The following HSPA14 variants were observed in gnomAD, a reference collection of about 807,000 sequenced individuals.
HSPA14 encodes heat shock 70 kDa protein 14.
In HSPA14, 37 loss-of-function variants were observed where a neutral mutation model predicts 65.5. The ratio of observed to expected loss-of-function variants is 0.56; its 90% CI spans 0.43 to 0.74. HSPA14 has a LOEUF of 0.74. Ranked by LOEUF, HSPA14 falls within the 30% of genes least tolerant of loss-of-function variation. HSPA14 has a pLI of 0.00. For synonymous variants in HSPA14, 203 were observed against 214.2 expected, an observed-to-expected ratio of 0.95 and a Z score of 0.46; for missense variants, 564 against 607.6, an observed-to-expected ratio of 0.93 and a Z score of 0.75.
At position 14,858,099 on chromosome 10, in the gene HSPA14, T is replaced by C. The variant is rs114406410; in HGVS notation, c.993+2156T>C. ...TTCTAGACTGGGCAAAATGCTTCAT[T>C]TCCTGACACTTTCTCTTGTTATGAA... On this transcript the variant is annotated intron_variant, in intron 10 of 13. Coordinates refer to ENST00000378372, the MANE Select transcript of HSPA14 (RefSeq NM_016299.4). Among the ~76,000 whole-genome samples, 1,471 of 152,250 alleles carry C rather than the reference T, an allele frequency of 9.7e-3. 31 individuals carry two copies. Among genetic ancestry groups the C allele is most frequent in the African/African-American group, 0.034 (1,406 of 41,516 alleles).
rs1833947898 is a variant in HSPA14, at chr10:14,839,819, C to T, written c.58-86C>T. 3 of 916,322 alleles carry T rather than the reference C, an allele frequency of 3.3e-6. No individual in the cohort carries two copies. The Admixed American group carries it at 6.5e-5, about 20-fold the overall frequency. The allele number at this position is 916,322 out of a possible 1,614,324, so 56.8% of individuals were successfully genotyped here. A position where few individuals can be genotyped will look rare whatever the true frequency, so the allele number is the denominator to read the frequency against. On this transcript the variant is annotated intron_variant, in intron 1 of 13. Transcript: ENST00000378372. ...ATTGAGATAGCAGTTTTTCTTTCCA[C>T]ACAGATGGCAAAGTAACACTGGTGC...
chr10:14,848,992 C>A, intron 5 of HSPA14, 97 bp downstream of exon 5: 1 of 655,502 alleles, frequency 1.5e-6, no homozygotes. Flanking sequence ...TTGGGAGAAG[C>A]AGAGTGATTG....
At chr10:14,864,254 A>G (rs957840464) in intron 10 of HSPA14, among the ~76,000 whole-genome samples, 1 of 147,040 alleles carries the variant, frequency 6.8e-6, no homozygotes, top group African/African-American at 2.5e-5. Context: ...AAAAAAGTCA[A>G]TATTTTCCAA....
intron 10 of HSPA14, among the ~76,000 whole-genome samples, chr10:14,861,067 C>T (rs570161108): frequency 1.3e-5 from 2 of 152,188 alleles, no homozygotes; most frequent in Non-Finnish European, 1.5e-5. Flanking sequence ...GAGGATTGAC[C>T]CTTGGACTTG....
chr10:14,840,002 T>C lies in HSPA14; in HGVS notation c.138+17T>C. The C allele has an allele frequency of 6.3e-7, 1 of 1,583,946 alleles. No individual in the cohort carries two copies. Among genetic ancestry groups the C allele is most frequent in the East Asian group, 2.2e-5 (1 of 44,516 alleles). On this transcript the variant is annotated intron_variant, in intron 2 of 13. Coordinates refer to ENST00000378372, the MANE Select transcript of HSPA14 (RefSeq NM_016299.4). The stretch of plus-strand genomic sequence containing the variant: ...AATGAAGAGGTACTAGTCCCCCCAT[T>C]TTTGTACTTCTGAAATAATTTAAAA...
At chr10:14,860,379 ATAT>A (rs1322629410) in intron 10 of HSPA14, among the ~76,000 whole-genome samples, 7 of 152,324 alleles carry the variant, frequency 4.6e-5, no homozygotes, top group African/African-American at 1.7e-4. Flanking sequence ...TATAGTGAGG[ATAT>A]ACAGGTAATA....
chr10:14,840,006 G>A (rs1488052496), intron 2 of HSPA14, 21 bp downstream of exon 2: 1 of 1,570,796 alleles, frequency 6.4e-7, no homozygotes, highest in South Asian at 1.1e-5. Flanking sequence ...CCCCATTTTT[G>A]TACTTCTGAA....
intron 10 of HSPA14, among the ~76,000 whole-genome samples, chr10:14,856,378 TCACACGG>T (rs1002474276): frequency 2.0e-5 from 3 of 152,200 alleles, no homozygotes; most frequent in Admixed American, 6.5e-5. Flanking sequence ...TTCCTCAAGA[TCACACGG>T]TAAGTAGTAG....
chr10:14,859,356 A>G (rs1462342708), intron 10 of HSPA14, among the ~76,000 whole-genome samples: 1 of 152,132 alleles, frequency 6.6e-6, no homozygotes, highest in East Asian at 1.9e-4. Context: ...CTGGAATCCT[A>G]TGCATCAGAC....
intron 12 of HSPA14, among the ~76,000 whole-genome samples, chr10:14,868,523 A>T (rs1190993167): frequency 6.6e-6 from 1 of 152,154 alleles, no homozygotes; most frequent in Non-Finnish European, 1.5e-5. Context: ...ACACACACAC[A>T]CACGGACTGC....
At chr10:14,870,715 A>C (rs1214838287) in intron 13 of HSPA14, 48 bp downstream of exon 13, 2 of 1,448,874 alleles carry the variant, frequency 1.4e-6, no homozygotes, top group Admixed American at 2.3e-5. Context: ...TTGATACTTG[A>C]CCATTTTTTG....
Position 14,871,527 on chromosome 10 carries a change from G to A in HSPA14, c.1452-1G>A. ...TGTTCTTTATTTTTTTGTCTGTTTA[G>A]GGATGGATCTTTACATGTGACATGC... On this transcript the variant is annotated splice_acceptor_variant, in intron 13 of 13. Coordinates refer to ENST00000378372, the MANE Select transcript of HSPA14 (RefSeq NM_016299.4). LOFTEE classifies it high-confidence loss of function. 6.4e-7 allele frequency: 1 copy of A among 1,568,520 alleles called. No individual in the cohort carries two copies. Among genetic ancestry groups the A allele is most frequent in the Non-Finnish European group, 8.7e-7 (1 of 1,146,040 alleles).
rs192666981 is a variant in HSPA14, at chr10:14,841,477, C to T, written c.221+1320C>T. Among the ~76,000 whole-genome samples the T allele has an allele frequency of 2.4e-3, 369 of 152,254 alleles. 3 individuals are homozygous for T. Among genetic ancestry groups the T allele is most frequent in the Non-Finnish European group, 1.3e-3 (88 of 68,012 alleles). The stretch of plus-strand genomic sequence containing the variant: ...GAGACATCAAACACATTGCTGGATT[C>T]ACCACCTCTCCCCGTGGTTATATCT... On this transcript the variant is annotated intron_variant, in intron 3 of 13. Transcript: ENST00000378372.
intron 3 of HSPA14, chr10:14,844,361 A>C: frequency 9.7e-7 from 1 of 1,027,218 alleles, no homozygotes; most frequent in Non-Finnish European, 1.2e-6. Context: ...AGATTGGTTT[A>C]CAAGATACAG....
intron 13 of HSPA14, among the ~76,000 whole-genome samples, 199 bp from the exon 14 acceptor site, chr10:14,871,329 T>C (rs1832852813): frequency 6.6e-6 from 1 of 152,220 alleles, no homozygotes; most frequent in Admixed American, 6.5e-5. Context: ...AAGTTCCTAA[T>C]AACAACTAGC....
chr10:14,840,041 AATAT>A (rs140243251), intron 2 of HSPA14, 30 bp from the exon 3 acceptor site: 128 of 1,193,600 alleles, frequency 1.1e-4, no homozygotes, highest in Non-Finnish European at 1.2e-4. Context: ...CATACATTGT[AATAT>A]ATATATATAT....
chr10:14,850,032 AC>A (rs927476167), intron 6 of HSPA14, among the ~76,000 whole-genome samples: 45 of 151,670 alleles, frequency 3.0e-4, no homozygotes, highest in African/African-American at 1.0e-3. Context: ...TGGGACACTG[AC>A]GGGGGGGCGG....
In HSPA14 at chr10:14,840,154, G is replaced by A; in HGVS notation, c.218G>A (p.Arg73Lys). 1.4e-6 allele frequency: 2 copies of A among 1,385,838 alleles called. No individual in the cohort carries two copies. The highest frequency in any genetic ancestry group is 2.2e-5 in the Admixed American group (1 of 46,188). The allele number at this position is 1,385,838 out of a possible 1,614,324, so 85.8% of individuals were successfully genotyped here. A position where few individuals can be genotyped will look rare whatever the true frequency, so the allele number is the denominator to read the frequency against. ...ATGAAAGTAAAGCAGATCCTGGGCA[G>A]AAGGTATGGAATCAAATGATACTTT... ...TVMKVKQILG[R>K]SSSDPQAQKY... The change falls in exon 3 of 14, where the codon AGA (arginine) becomes AAA (lysine). Residue 73 changes from arginine (R) to lysine (K), a missense_variant. By Grantham distance (26) the Arg-to-Lys change is conservative. Transcript: ENST00000378372.
Position 14,867,241 on chromosome 10 carries a change from G to A in HSPA14, c.1152G>A (p.Leu384=). 1.2e-6 allele frequency: 2 copies of A among 1,613,826 alleles called. No individual in the cohort carries two copies. Among genetic ancestry groups the A allele is most frequent in the Non-Finnish European group, 1.7e-6 (2 of 1,179,826 alleles). The change falls in exon 11 of 14, where the codon CTG becomes CTA. Residue 384 remains leucine, a synonymous_variant. Coordinates refer to ENST00000378372, the MANE Select transcript of HSPA14 (RefSeq NM_016299.4). ...EAGILIGKEN[L]LVEDSLMIEC... ...GAATTCTTATTGGGAAAGAAAACCT[G>A]TTGGTGGAAGACTCTCTTATGATAG... is the stretch of plus-strand genomic sequence containing the variant.
Sources: allele counts gnomAD v4.1 joint callset (sites outside exome capture counted in the v4.1 genomes callset), GRCh38; gene constraint gnomAD v4.1.1; transcripts MANE v1.5; gene names NCBI Gene and HGNC (gene_info 2026-07-23, HGNC 2026-07-21).